The following SV2A variants were observed in gnomAD, a reference collection of about 807,000 sequenced individuals.
SV2A encodes solute carrier family 22 member B1.
A neutral mutation model predicts 78.0 loss-of-function variants in SV2A; 25 were observed. The ratio of observed to expected loss-of-function variants is 0.32; its 90% confidence interval spans 0.23 to 0.45. The LOEUF (loss-of-function observed/expected upper bound fraction) is 0.45. Ranked by LOEUF, SV2A falls within the 20% of genes least tolerant of loss-of-function variation. The pLI is 1.00. For missense variants in SV2A, 752 were observed against 971.5 expected (o/e 0.77, Z 3.00); for synonymous variants, 355 against 384.7 (o/e 0.92, Z 0.90).
Position 149,909,514 on chromosome 1 carries a change from T to C in SV2A, c.1237A>G (p.Thr413Ala), listed in dbSNP as rs782070589. The change falls in exon 7 of 13, where the codon ACA (threonine) becomes GCA (alanine). Residue 413 changes from threonine to alanine, a missense_variant. Thr to Ala is a moderately conservative substitution (Grantham distance 58, BLOSUM62 0). This residue lies in a region of SV2A where 136 missense variants were observed against 132.3 expected (regional missense o/e 1.03). Coordinates refer to ENST00000369146, the MANE Select transcript of SV2A (RefSeq NM_014849.5). ...CCCCAGCGCTGGTACCAGGTCCCTGTGTCCGACTGGATCTCAATCAATTCA... is the reference window on the plus strand; with the variant it reads ...CCCCAGCGCTGGTACCAGGTCCCTGCGTCCGACTGGATCTCAATCAATTCA... ...EDELIEIQSD[T>A]GTWYQRWGVR... The C allele has an allele frequency of 4.3e-6, 7 of 1,613,882 alleles. No homozygotes were observed. Among genetic ancestry groups the C allele is most frequent in the Non-Finnish European group, 5.9e-6 (7 of 1,179,994 alleles).
In SV2A at chr1:149,911,863, A is replaced by T. The variant is rs1553763829; in HGVS notation, c.740T>A (p.Phe247Tyr). ...ISLSVNSVFA[F>Y]FSSFVQGYGT... ...GTAACCCTGGACAAAAGATGAGAAGAAGGCGAAGACGCTGTTGACTGAGAG... is the reference window on the plus strand; with the variant it reads ...GTAACCCTGGACAAAAGATGAGAAGTAGGCGAAGACGCTGTTGACTGAGAG... The change falls in exon 3 of 13, where the codon TTC (phenylalanine) becomes TAC (tyrosine). Residue 247 changes from phenylalanine (F) to tyrosine (Y), a missense_variant. This residue lies in a region of SV2A where 291 missense variants were observed against 359.5 expected (regional missense o/e 0.81). Transcript: ENST00000369146. 6.2e-7 allele frequency: 1 copy of T among 1,614,028 alleles called. No homozygotes were observed. Among genetic ancestry groups the T allele is most frequent in the Non-Finnish European group, 8.5e-7 (1 of 1,180,034 alleles).
intron 12 of SV2A, 52 bp from the exon 13 acceptor site, chr1:149,905,249 A>G: frequency 6.5e-7 from 1 of 1,531,470 alleles, no homozygotes; most frequent in Non-Finnish European, 8.9e-7. Flanking sequence ...GAGGGAGGCA[A>G]AGGAAGAGTG....
At chr1:149,915,314 C>A (rs781837732) in intron 1 of SV2A, among the ~76,000 whole-genome samples, 19 of 152,176 alleles carry the variant, frequency 1.2e-4, no homozygotes, top group Non-Finnish European at 7.3e-5. Context: ...TGTTGCCCAG[C>A]ATCCTTGCAA....
chr1:149,910,542 C>G lies in SV2A; in HGVS notation c.1089+28G>C. The G allele has an allele frequency of 6.3e-7, 1 of 1,579,906 alleles. No individual in the cohort carries two copies. Among genetic ancestry groups the G allele is most frequent in the Non-Finnish European group, 8.6e-7 (1 of 1,164,256 alleles). ...CCACACTCCACAGCCCGCACCCCACCCCACCCCATGCAGCTCAGCCCCATC... is the reference window on the plus strand; with the variant it reads ...CCACACTCCACAGCCCGCACCCCACGCCACCCCATGCAGCTCAGCCCCATC... On this transcript the variant is annotated intron_variant, in intron 5 of 12. Coordinates refer to ENST00000369146, the MANE Select transcript of SV2A (RefSeq NM_014849.5). The surrounding 1 kb of genome is among the most constrained non-coding windows in gnomAD (Gnocchi z 4.2).
Position 149,910,674 on chromosome 1 carries a change from G to T in SV2A, c.985C>A (p.Gln329Lys). The T allele has an allele frequency of 6.2e-7, 1 of 1,614,052 alleles. No individual in the cohort carries two copies. Among genetic ancestry groups the T allele is most frequent in the Non-Finnish European group, 8.5e-7 (1 of 1,179,956 alleles). ...ACGAAGACCCTCCAGCTGTGGAACT[G>T]GTAGGCAGAACCCATCTGAAAACTC... is the stretch of plus-strand genomic sequence containing the variant. ...GWSFQMGSAY[Q>K]FHSWRVFVLV... Residue 329 changes from glutamine (Q) to lysine (K), a missense_variant, in exon 5 of 13, where the codon CAG (glutamine) becomes AAG (lysine). Around this residue, in one of 7 missense-constraint regions of SV2A, gnomAD observed 43 missense variants for 70.8 expected, o/e 0.61. Transcript: ENST00000369146. The surrounding 1 kb of genome is among the most constrained non-coding windows in gnomAD (Gnocchi z 4.2).
chr1:149,908,126 A>T lies in SV2A; in HGVS notation c.1460T>A (p.Phe487Tyr). 1.2e-6 allele frequency: 2 copies of T among 1,614,126 alleles called. No individual in the cohort carries two copies. Among genetic ancestry groups the T allele is most frequent in the Non-Finnish European group, 1.7e-6 (2 of 1,180,022 alleles). The change falls in exon 9 of 13, where the codon TTC becomes TAC. Residue 487 changes from phenylalanine to tyrosine, a missense_variant. Phe to Tyr is a conservative substitution (Grantham distance 22). Coordinates refer to ENST00000369146, the MANE Select transcript of SV2A (RefSeq NM_014849.5). ...TACATGCTCTACGCGCTCCCCGGGG[A>T]ACACTTTGGTGCGGGATGCGTAGTC... ...AVDYASRTKV[F>Y]PGERVEHVTF...
intron 3 of SV2A, among the ~76,000 whole-genome samples, chr1:149,911,570 G>T (rs73006316): frequency 0.018 from 2,715 of 152,262 alleles, 69 homozygotes; most frequent in African/African-American, 0.059. Flanking sequence ...AGGTGGGGTG[G>T]AGGACTCAGG....
rs782802218 is a variant in SV2A at position 149,913,603 on chromosome 1, A to G, written c.238T>C (p.Ser80Pro). The G allele has an allele frequency of 6.2e-7, 1 of 1,614,040 alleles. No homozygotes were observed. The highest frequency in any genetic ancestry group is 8.5e-7 in the Non-Finnish European group (1 of 1,180,002). ...TCATGGCCCTCAGTAGCATCACTGGATGCACCACCTTCCTCCTCATCCTGG... is the reference window on the plus strand; with the variant it reads ...TCATGGCCCTCAGTAGCATCACTGGGTGCACCACCTTCCTCCTCATCCTGG... ...GTQDEEEGGA[S>P]SDATEGHDED... is the part of the protein sequence containing the mutation. Residue 80 changes from serine (S) to proline (P), a missense_variant, in exon 2 of 13, where the codon TCC (serine) becomes CCC (proline). This residue lies in a region of SV2A where 291 missense variants were observed against 359.5 expected (regional missense o/e 0.81). Transcript: ENST00000369146.
At chr1:149,907,053 C>G in intron 10 of SV2A, 197 bp from the exon 11 acceptor site, 1 of 913,828 alleles carries the variant, frequency 1.1e-6, no homozygotes, top group Non-Finnish European at 1.3e-6. Context: ...TGACCATCAT[C>G]TGTCCAACAG....
In SV2A at chr1:149,909,904, C is replaced by T; in HGVS notation, c.1090-14G>A. Reference sequence around the variant, plus strand: ...ATGCTTTCCATTCTAGAGCCAAAGACACAATCCCCACATCCAAGTCAGCCC... The same window carrying T: ...ATGCTTTCCATTCTAGAGCCAAAGATACAATCCCCACATCCAAGTCAGCCC... On this transcript the variant is annotated splice_polypyrimidine_tract_variant and intron_variant, in intron 5 of 12. Coordinates refer to ENST00000369146, the MANE Select transcript of SV2A (RefSeq NM_014849.5). The T allele has an allele frequency of 1.2e-6, 2 of 1,613,396 alleles. No homozygotes were observed.
intron 2 of SV2A, among the ~76,000 whole-genome samples, chr1:149,912,296 G>A (rs1553763915): frequency 6.6e-6 from 1 of 151,992 alleles, no homozygotes; most frequent in Admixed American, 6.5e-5. Flanking sequence ...AGGAGGAATG[G>A]GTGTGCCTAG....
chr1:149,903,516 C>A lies in SV2A; in HGVS notation c.*1498G>T. On this transcript the variant is annotated 3_prime_UTR_variant, in exon 13 of 13. Transcript: ENST00000369146. ...AGGGCACAGGGCACACACTCATACA[C>A]TGGGCACTGGAGAAGGCAGTCTTTT... The A allele has an allele frequency of 6.6e-6, 1 of 152,438 alleles. No individual in the cohort carries two copies. Among genetic ancestry groups the A allele is most frequent in the Non-Finnish European group, 1.5e-5 (1 of 68,114 alleles). 9.4% of individuals were successfully genotyped at this position (152,438 alleles called of 1,614,324 possible).
Position 149,905,024 on chromosome 1 carries a change from A to G in SV2A, c.2219T>C (p.Val740Ala). 1 of 1,610,692 alleles carries G rather than the reference A, an allele frequency of 6.2e-7. No individual in the cohort carries two copies. The highest frequency in any genetic ancestry group is 8.5e-7 in the Non-Finnish European group (1 of 1,178,620). Residue 740 changes from valine (V) to alanine (A), a missense_variant, in exon 13 of 13, where the codon GTG becomes GCG. This residue lies in a region of SV2A where 186 missense variants were observed against 274.6 expected (regional missense o/e 0.68). Coordinates refer to ENST00000369146, the MANE Select transcript of SV2A (RefSeq NM_014849.5). ...GCCCTAGAGACCCCTTCACTGCAGC[A>G]CCTGCCCCCGGGTCTCAGGCAGCTT... ...ALKLPETRGQ[V>A]LQ
At chr1:149,905,725 G>A in intron 12 of SV2A, 155 bp downstream of exon 12, 1 of 1,029,918 alleles carries the variant, frequency 9.7e-7, no homozygotes. Flanking sequence ...TTACAGGCAT[G>A]AGTCACCGTG....
rs2092468504 is a variant in SV2A, at chr1:149,910,496, C to A, written c.1089+74G>T. On this transcript the variant is annotated intron_variant, in intron 5 of 12. Transcript: ENST00000369146. This position sits in a 1 kb window ranked among gnomAD's most constrained non-coding sequence, Gnocchi z 4.2. ...AATCAAACTCCAGTTGGTGTTTGAA[C>A]ACAGAAGCCCCTGCTGCCGTCCACA... 3 of 1,469,796 alleles carry A rather than the reference C, an allele frequency of 2.0e-6. No homozygotes were observed. The South Asian group carries it at 4.3e-5, about 21-fold the overall frequency. The allele number at this position is 1,469,796 out of a possible 1,614,324, so 91.0% of individuals were successfully genotyped here.
Position 149,909,447 on chromosome 1 carries a change from C to A in SV2A, c.1290+14G>T. On this transcript the variant is annotated intron_variant, in intron 7 of 12. Coordinates refer to ENST00000369146, the MANE Select transcript of SV2A (RefSeq NM_014849.5). ...CCCCCACTCCCTTCTATCTACCACCCCGTCCACCATTACCTGCCCCCCTAG... is the reference window on the plus strand; with the variant it reads ...CCCCCACTCCCTTCTATCTACCACCACGTCCACCATTACCTGCCCCCCTAG... 6.2e-7 allele frequency: 1 copy of A among 1,608,422 alleles called. No homozygotes were observed.
At chr1:149,912,896 G>A (rs1206371379) in intron 2 of SV2A, among the ~76,000 whole-genome samples, 1 of 149,654 alleles carries the variant, frequency 6.7e-6, no homozygotes, top group Non-Finnish European at 1.5e-5. Flanking sequence ...CAGAGGGAAA[G>A]CTATGAAGAA....
In SV2A at chr1:149,904,668, T is replaced by TG. The variant is rs2092423173; in HGVS notation, c.*345dup. On this transcript the variant is annotated 3_prime_UTR_variant, in exon 13 of 13. Transcript: ENST00000369146. ...ACCAGGGCCTAGGCAGAGGGAATGA[T>TG]GGGGAAGGCAGGAAGCCTATTCTGG... 3 of 229,098 alleles carry TG rather than the reference T, an allele frequency of 1.3e-5. No homozygotes were observed. The South Asian group carries it at 2.7e-4, about 20-fold the overall frequency. 14.2% of individuals were successfully genotyped at this position (229,098 alleles called of 1,614,324 possible).
rs1203418109 is a variant in SV2A, at chr1:149,904,082, G to A, written c.*932C>T. 2.0e-5 allele frequency: 3 copies of A among 152,828 alleles called. No homozygotes were observed. Among genetic ancestry groups the A allele is most frequent in the Non-Finnish European group, 2.9e-5 (2 of 68,188 alleles). The allele number at this position is 152,828 out of a possible 1,614,324, so 9.5% of individuals were successfully genotyped here. ...GTGCTATTCCCGCCTGTGCTGTAGT[G>A]GGTGGAGCCTCTCACTCCAGAGGAG... On this transcript the variant is annotated 3_prime_UTR_variant, in exon 13 of 13. Coordinates refer to ENST00000369146, the MANE Select transcript of SV2A (RefSeq NM_014849.5).
Sources: allele counts gnomAD v4.1 joint callset (sites outside exome capture counted in the v4.1 genomes callset), GRCh38; gene constraint gnomAD v4.1.1; regional missense constraint gnomAD v4.1.1; non-coding constraint Gnocchi (gnomAD v3.1); transcripts MANE v1.5; gene names NCBI Gene and HGNC (gene_info 2026-07-23, HGNC 2026-07-21).